Variants in PACRGL observed in about 807,000 individuals in gnomAD.
PACRGL encodes the protein PACRG-like protein.
PACRGL carries 38 observed loss-of-function variants against 34.5 expected under a neutral mutation model. The ratio of observed to expected loss-of-function variants is 1.10; its 90% CI spans 0.85 to 1.44. The LOEUF (loss-of-function observed/expected upper bound fraction) is 1.44. Ranked by LOEUF, PACRGL falls within the 40% of genes most tolerant of loss-of-function variation. The pLI is 0.00. For missense variants in PACRGL, 305 were observed against 281.4 expected (o/e 1.08, Z -0.60); for synonymous variants, 128 against 100.1 (o/e 1.28, Z -1.66).
intron 8 of PACRGL, among the ~76,000 whole-genome samples, chr4:20,740,210 A>T (rs570166782): frequency 6.6e-6 from 1 of 152,168 alleles, no homozygotes; most frequent in Admixed American, 6.5e-5. Flanking sequence ...TCAGGCCAAC[A>T]TTCAAATTCA....
At chr4:20,718,705 T>G (rs1384452981) in intron 7 of PACRGL, 1 of 152,246 alleles carries the variant, frequency 6.6e-6, no homozygotes, top group Admixed American at 6.5e-5. Flanking sequence ...GTGGATAAGC[T>G]TTTTGATGTG....
At chr4:20,716,203 A>G (rs748291787) in intron 7 of PACRGL, 1 of 978,110 alleles carries the variant, frequency 1.0e-6, no homozygotes, top group Non-Finnish European at 1.6e-6. Flanking sequence ...ACTGGCTGTT[A>G]TGGTTTCTTA....
intron 8 of PACRGL, among the ~76,000 whole-genome samples, chr4:20,741,836 G>A (rs1350777757): frequency 1.3e-5 from 2 of 148,202 alleles, no homozygotes; most frequent in Non-Finnish European, 3.1e-5. Flanking sequence ...GGCTAATAAA[G>A]AAGAAAAGAG....
In PACRGL at chr4:20,728,915, A is replaced by T. The variant is rs756571828; in HGVS notation, c.*1574A>T. Reference sequence around the variant, plus strand: ...ATGTGGCAACTTTACAGTTTTGGCTAAGATGATTAAAAATAATCTGAATTA... The same window carrying T: ...ATGTGGCAACTTTACAGTTTTGGCTTAGATGATTAAAAATAATCTGAATTA... On this transcript the variant is annotated 3_prime_UTR_variant, in exon 9 of 9. Coordinates refer to ENST00000503585, the MANE Select transcript of PACRGL (RefSeq NM_001258345.3). 23 of 130,652 alleles carry T rather than the reference A, an allele frequency of 1.8e-4. No homozygotes were observed. Among genetic ancestry groups the T allele is most frequent in the Non-Finnish European group, 2.6e-4 (16 of 60,398 alleles). 8.1% of individuals were successfully genotyped at this position (130,652 alleles called of 1,614,324 possible). A position where few individuals can be genotyped will look rare whatever the true frequency, so the allele number is the denominator to read the frequency against.
At chr4:20,740,213 C>G (rs1347692700) in intron 8 of PACRGL, among the ~76,000 whole-genome samples, 4 of 152,150 alleles carry the variant, frequency 2.6e-5, no homozygotes, top group Admixed American at 2.0e-4. Context: ...GGCCAACATT[C>G]AAATTCAGGA....
At chr4:20,736,580 C>A (rs987682754), downstream of PACRGL, among the ~76,000 whole-genome samples, 2 of 151,902 alleles carry the variant, frequency 1.3e-5, no homozygotes, top group African/African-American at 2.4e-5. Flanking sequence ...TATATGTTTA[C>A]TTTTTTCTAA....
the PACRGL span, among the ~76,000 whole-genome samples, chr4:20,764,324 T>G: frequency 1.3e-5 from 2 of 152,178 alleles, no homozygotes; most frequent in Non-Finnish European, 2.9e-5. Context: ...TTCTTTAACT[T>G]TAGGAAATAT....
chr4:20,722,247 G>T (rs1346201703), intron 7 of PACRGL, among the ~76,000 whole-genome samples: 1 of 152,246 alleles, frequency 6.6e-6, no homozygotes, highest in East Asian at 1.9e-4. Flanking sequence ...GCTAGGAAAG[G>T]GAATTCCCTG....
chr4:20,764,022 G>A, the PACRGL span, among the ~76,000 whole-genome samples: 1 of 152,168 alleles, frequency 6.6e-6, no homozygotes, highest in Non-Finnish European at 1.5e-5. Context: ...GATCCAAGAA[G>A]CAGTAGGGTT....
At chr4:20,750,004 G>C (rs1341444099) in intron 8 of PACRGL, among the ~76,000 whole-genome samples, 2 of 152,138 alleles carry the variant, frequency 1.3e-5, no homozygotes, top group African/African-American at 4.8e-5. Flanking sequence ...ATTAACACTG[G>C]GACAAGAAAT....
At chr4:20,753,617 G>C (rs7689421), downstream of PACRGL, among the ~76,000 whole-genome samples, 5 of 151,808 alleles carry the variant, frequency 3.3e-5, no homozygotes, top group East Asian at 9.7e-4. Context: ...TCAAGCACGA[G>C]GAATAGAATC....
chr4:20,715,374 G>A (rs978865096), intron 7 of PACRGL, among the ~76,000 whole-genome samples: 2 of 151,860 alleles, frequency 1.3e-5, no homozygotes, highest in African/African-American at 2.4e-5. Context: ...GTATACATAT[G>A]TAACTAACCT....
chr4:20,696,421 A>G (rs547057850), upstream of PACRGL: 3 of 152,350 alleles, frequency 2.0e-5, no homozygotes, highest in South Asian at 6.2e-4. Flanking sequence ...CAGAAAGACC[A>G]AAGTACGTAT....
At chr4:20,763,890 G>A in the PACRGL span, among the ~76,000 whole-genome samples, 1 of 152,094 alleles carries the variant, frequency 6.6e-6, no homozygotes, top group Non-Finnish European at 1.5e-5. Flanking sequence ...AAGTCATTTA[G>A]CAGTATAAAT....
downstream of PACRGL, among the ~76,000 whole-genome samples, chr4:20,756,972 C>T (rs1034119427): frequency 6.6e-6 from 1 of 152,050 alleles, no homozygotes; most frequent in Non-Finnish European, 1.5e-5. Flanking sequence ...ATTAATAATT[C>T]TCAAATCTCT....
In PACRGL at chr4:20,700,505, C is replaced by A. The variant is rs1731677222; in HGVS notation, c.-299C>A. ...GGTGGCGGTAGCCGCGGTTGTTGGC[C>A]GACCGAGTGCCGGTCATAAGCCCCC... On this transcript the variant is annotated 5_prime_UTR_variant, in exon 1 of 9. Transcript: ENST00000503585. 1 of 152,144 alleles carries A rather than the reference C, an allele frequency of 6.6e-6. No individual in the cohort carries two copies. The highest frequency in any genetic ancestry group is 2.1e-4 in the South Asian group (1 of 4,830). 9.4% of individuals were successfully genotyped at this position (152,144 alleles called of 1,614,324 possible). A position where few individuals can be genotyped will look rare whatever the true frequency, so the allele number is the denominator to read the frequency against.
Position 20,752,055 on chromosome 4 carries a change from G to GTTTTTTTT in PACRGL, c.*57-497_*57-490dup, listed in dbSNP as rs33912651. On this transcript the variant is annotated intron_variant, in intron 8 of 8. Transcript: ENST00000507634. Reference sequence around the variant, plus strand: ...ACAATATCAGTATGTACTTCATAGAGTTTTTTTTTTTTTTTTTTTTGAGAC... The same window carrying GTTTTTTTT: ...ACAATATCAGTATGTACTTCATAGAGTTTTTTTTTTTTTTTTTTTTTTTTTTTTGAGAC... Among the ~76,000 whole-genome samples, 142 of 121,654 alleles carry GTTTTTTTT rather than the reference G, an allele frequency of 1.2e-3. 5 individuals are homozygous for GTTTTTTTT. The South Asian group carries it at 0.023, about 20-fold the overall frequency. The allele number at this position is 121,654 out of a possible 152,430, so 79.8% of individuals were successfully genotyped here. A position where few individuals can be genotyped will look rare whatever the true frequency, so the allele number is the denominator to read the frequency against.
intron 1 of PACRGL, among the ~76,000 whole-genome samples, chr4:20,703,765 CT>C (rs1733335094): frequency 6.6e-6 from 1 of 152,084 alleles, no homozygotes; most frequent in South Asian, 2.1e-4. Context: ...AATAATCTGC[CT>C]AAATTCATAA....
chr4:20,717,791 G>A (rs1223662269), intron 7 of PACRGL, among the ~76,000 whole-genome samples: 5 of 152,164 alleles, frequency 3.3e-5, no homozygotes, highest in East Asian at 3.9e-4. Flanking sequence ...TTGTTCTTTT[G>A]GCTTAGGATT....
Sources: allele counts gnomAD v4.1 joint callset (sites outside exome capture counted in the v4.1 genomes callset), GRCh38; gene constraint gnomAD v4.1.1; transcripts MANE v1.5; gene names NCBI Gene and HGNC (gene_info 2026-07-23, HGNC 2026-07-21).